Variants in VPS54 observed in about 807,000 individuals in gnomAD.
VPS54 encodes the protein VPS54 subunit of GARP complex.
VPS54 carries 45 observed loss-of-function variants against 121.5 expected under a neutral mutation model. The ratio of observed to expected loss-of-function variants is 0.37; its 90% confidence interval spans 0.29 to 0.47. The LOEUF is 0.47. VPS54 is among the 20% of genes least tolerant of loss of function. VPS54 has a pLI of 0.99. For missense variants in VPS54, 1,090 were observed against 1,131.4 expected, an observed-to-expected ratio of 0.96 and a Z score of 0.52; for synonymous variants, 371 against 385.8, an observed-to-expected ratio of 0.96 and a Z score of 0.45.
chr2:63,931,453 T>C (rs1192497037), intron 12 of VPS54, among the ~76,000 whole-genome samples: 1 of 152,182 alleles, frequency 6.6e-6, no homozygotes, highest in African/African-American at 2.4e-5. Flanking sequence ...GCTAGCCATA[T>C]GCAGAAAACT....
chr2:63,931,577 T>C (rs1237092688), intron 12 of VPS54, among the ~76,000 whole-genome samples: 1 of 152,158 alleles, frequency 6.6e-6, no homozygotes, highest in Non-Finnish European at 1.5e-5. Context: ...GGCAATACCA[T>C]TCAGGACATA....
intron 5 of VPS54, 36 bp downstream of exon 5, chr2:63,968,920 AT>A: frequency 1.3e-6 from 2 of 1,569,128 alleles, no homozygotes; most frequent in Non-Finnish European, 1.7e-6. Context: ...AAGATCAAAT[AT>A]TATAAGGCAA....
chr2:63,925,221 T>G (rs1673841584), intron 12 of VPS54, among the ~76,000 whole-genome samples: 1 of 151,624 alleles, frequency 6.6e-6, no homozygotes, highest in Admixed American at 6.6e-5. Context: ...AACAGAAAAA[T>G]GGGTAAAGGC....
intron 1 of VPS54, among the ~76,000 whole-genome samples, chr2:63,992,390 G>A (rs762225135): frequency 2.0e-5 from 3 of 152,212 alleles, no homozygotes; most frequent in Non-Finnish European, 4.4e-5. Context: ...AAAACATGCG[G>A]TATGTTCCTG....
At chr2:64,013,600 A>G (rs1430739521) in intron 1 of VPS54, among the ~76,000 whole-genome samples, 1 of 146,236 alleles carries the variant, frequency 6.8e-6, no homozygotes, top group Non-Finnish European at 1.5e-5. Flanking sequence ...ATATCAATAT[A>G]TATCATATGA....
chr2:63,905,609 AAAT>A (rs1280835566), intron 20 of VPS54, among the ~76,000 whole-genome samples: 4 of 152,086 alleles, frequency 2.6e-5, no homozygotes, highest in African/African-American at 9.7e-5. Flanking sequence ...CTTGGGGAAA[AAAT>A]AATACCAACT....
At chr2:64,002,869 C>G (rs1276922938) in intron 1 of VPS54, among the ~76,000 whole-genome samples, 2 of 152,206 alleles carry the variant, frequency 1.3e-5, no homozygotes, top group African/African-American at 4.8e-5. Context: ...AAACATTTGA[C>G]TCTTCACTGC....
chr2:63,899,026 T>C (rs1672558231), intron 21 of VPS54, among the ~76,000 whole-genome samples: 2 of 152,224 alleles, frequency 1.3e-5, no homozygotes, highest in African/African-American at 4.8e-5. Context: ...AGATCTCTTA[T>C]GCTGACATAA....
intron 1 of VPS54, among the ~76,000 whole-genome samples, chr2:64,012,040 TCAAA>T (rs1245710663): frequency 2.0e-5 from 3 of 152,140 alleles, no homozygotes; most frequent in Non-Finnish European, 2.9e-5. Flanking sequence ...TACTATAACC[TCAAA>T]CAAACAATAA....
At chr2:63,956,781 T>C (rs1675513842) in intron 7 of VPS54, among the ~76,000 whole-genome samples, 1 of 152,152 alleles carries the variant, frequency 6.6e-6, no homozygotes, top group Admixed American at 6.5e-5. Context: ...TCAATATATG[T>C]CCTCTGTTGT....
intron 11 of VPS54, among the ~76,000 whole-genome samples, chr2:63,934,834 T>C (rs771144297): frequency 6.6e-6 from 1 of 152,198 alleles, no homozygotes; most frequent in Non-Finnish European, 1.5e-5. Flanking sequence ...TATTGAAAGC[T>C]AGGCAAATGA....
intron 8 of VPS54, among the ~76,000 whole-genome samples, chr2:63,947,863 G>A (rs78274684): frequency 0.032 from 4,797 of 152,054 alleles, 184 homozygotes; most frequent in African/African-American, 0.096. Flanking sequence ...TTGAGACAGC[G>A]TTCCACTCTG....
At chr2:63,988,860 AG>A (rs1266806583) in intron 1 of VPS54, among the ~76,000 whole-genome samples, 1 of 152,238 alleles carries the variant, frequency 6.6e-6, no homozygotes, top group African/African-American at 2.4e-5. Flanking sequence ...GATAACCATT[AG>A]GTCTGACTGC....
Position 63,962,245 on chromosome 2 carries a change from T to A in VPS54, c.823A>T (p.Arg275Ter). ...VMCEGSLHIL[R>*]LALTRNNCVK... ...CAATTATTTCTGGTAAGTGCCAGTC[T>A]TAAAATGTGGAGTGATCCTTCACAC... Residue 275 changes from arginine (R) to a stop codon, truncating the protein, a stop_gained, in exon 7 of 23, where the codon AGA becomes TGA. Transcript: ENST00000272322. LOFTEE classifies it high-confidence loss of function. 6.2e-7 allele frequency: 1 copy of A among 1,614,092 alleles called. No homozygotes were observed. The highest frequency in any genetic ancestry group is 8.5e-7 in the Non-Finnish European group (1 of 1,179,928).
rs150274034 is a variant in VPS54 at position 64,012,106 on chromosome 2, C to T, written c.-21+6832G>A. ...GGCATTACCCTTGCATCTCTCACCA[C>T]TGGTTGGCTATCTTAGCCCTGCTCT... On this transcript the variant is annotated intron_variant, in intron 1 of 22. Transcript: ENST00000272322. Among the ~76,000 whole-genome samples, 15 of 152,288 alleles carry T rather than the reference C, an allele frequency of 9.8e-5. No individual in the cohort carries two copies. In the East Asian group the frequency reaches 2.9e-3, roughly 29 times the overall value.
intron 14 of VPS54, 38 bp downstream of exon 14, chr2:63,920,408 G>T: frequency 7.1e-7 from 1 of 1,417,140 alleles, no homozygotes. Flanking sequence ...AAAGAAAAAT[G>T]AAAAAATCAA....
intron 8 of VPS54, 68 bp downstream of exon 8, chr2:63,948,969 A>C: frequency 6.4e-7 from 1 of 1,563,344 alleles, no homozygotes; most frequent in African/African-American, 1.4e-5. Context: ...ATAATCTGAG[A>C]AAAATGTGTT....
At chr2:63,907,866 T>G (rs934298937) in intron 20 of VPS54, among the ~76,000 whole-genome samples, 1 of 152,078 alleles carries the variant, frequency 6.6e-6, no homozygotes, top group Non-Finnish European at 1.5e-5. Context: ...CCACAATGAG[T>G]ATCACTCCAT....
chr2:63,898,854 C>G (rs945071664), intron 21 of VPS54, among the ~76,000 whole-genome samples: 6 of 151,428 alleles, frequency 4.0e-5, no homozygotes, highest in Non-Finnish European at 8.8e-5. Context: ...CGCAACAGGG[C>G]TGTAGCGGGT....
Sources: gnomAD v4.1 joint callset for allele counts (sites outside exome capture counted in the v4.1 genomes callset) on GRCh38, gnomAD v4.1.1 for gene constraint, MANE v1.5 for transcripts, NCBI Gene and HGNC (gene_info 2026-07-23, HGNC 2026-07-21) for gene names.